SCN3A: variants seen among roughly 807,000 people sequenced by gnomAD.
SCN3A encodes sodium channel protein type 3 subunit alpha.
Under a neutral mutation model 187.6 loss-of-function variants are expected in SCN3A, and 60 were observed. The observed-to-expected ratio is 0.32, with a 90% CI of 0.26 to 0.40. The LOEUF (loss-of-function observed/expected upper bound fraction) is 0.40. Among genes scored for constraint, SCN3A ranks in the 10% least tolerant of loss-of-function variants. The pLI is 1.00. For missense variants in SCN3A, 1,601 were observed against 2,428.2 expected (o/e 0.66, Z 7.16); for synonymous variants, 788 against 829.2 (o/e 0.95, Z 0.85).
intron 1 of SCN3A, among the ~76,000 whole-genome samples, chr2:165,194,233 G>A (rs532455870): frequency 1.3e-5 from 2 of 152,174 alleles, no homozygotes; most frequent in East Asian, 1.9e-4. Context: ...CAGATGTTTC[G>A]TGTTTATGTG....
chr2:165,188,553 G>A (rs1436240864), intron 1 of SCN3A, among the ~76,000 whole-genome samples: 1 of 152,150 alleles, frequency 6.6e-6, no homozygotes, highest in Non-Finnish European at 1.5e-5. Flanking sequence ...ACTTTGGGAG[G>A]CCGAGGCGGG....
At chr2:165,145,242 G>C (rs553883560) in intron 12 of SCN3A, among the ~76,000 whole-genome samples, 56 of 152,064 alleles carry the variant, frequency 3.7e-4, no homozygotes, top group Admixed American at 3.7e-3. Flanking sequence ...TTATGCTATA[G>C]TTTCATATAC....
At chr2:165,152,223 G>C (rs1688726080) in intron 11 of SCN3A, among the ~76,000 whole-genome samples, 1 of 152,120 alleles carries the variant, frequency 6.6e-6, no homozygotes, top group Non-Finnish European at 1.5e-5. Context: ...AACTGACCAA[G>C]AAGTGACACA....
chr2:165,163,818 A>C (rs1314508837), intron 6 of SCN3A, 109 bp from the exon 7 acceptor site: 1 of 1,613,928 alleles, frequency 6.2e-7, no homozygotes, highest in Admixed American at 1.7e-5. Flanking sequence ...TTACAGAAAT[A>C]GTTTTCAGAG....
chr2:165,167,798 A>G (rs1418609415), intron 5 of SCN3A, among the ~76,000 whole-genome samples: 1 of 152,122 alleles, frequency 6.6e-6, no homozygotes, highest in Non-Finnish European at 1.5e-5. Context: ...AATCCCTTGC[A>G]ATAATAATAA....
intron 12 of SCN3A, among the ~76,000 whole-genome samples, chr2:165,142,827 T>C (rs1688092614): frequency 6.6e-6 from 1 of 151,996 alleles, no homozygotes; most frequent in Non-Finnish European, 1.5e-5. Context: ...CTCGGCTCAC[T>C]GCAATCTCCA....
chr2:165,118,344 A>G (rs1248891294), intron 18 of SCN3A, among the ~76,000 whole-genome samples: 1 of 152,216 alleles, frequency 6.6e-6, no homozygotes, highest in Non-Finnish European at 1.5e-5. Flanking sequence ...TACAGTTATT[A>G]CAGAGATTTT....
At chr2:165,094,295 G>T in intron 26 of SCN3A, 79 bp downstream of exon 26, 1 of 1,010,486 alleles carries the variant, frequency 9.9e-7, no homozygotes, top group Non-Finnish European at 1.6e-6. Context: ...CACCTAATAT[G>T]TTCTGCTCCA....
chr2:165,183,060 T>C (rs1218104740), intron 2 of SCN3A, among the ~76,000 whole-genome samples: 1 of 150,236 alleles, frequency 6.7e-6, no homozygotes, highest in Non-Finnish European at 1.5e-5. Context: ...GGAAAAAAAG[T>C]GAAAGGATGA....
Position 165,127,770 on chromosome 2 carries a change from A to G in SCN3A, c.3254T>C (p.Ile1085Thr). ...GAATGACATATAATCATTTTCATCG[A>G]TTACGTATTTTTCAACACTGCTTCC... ...GTGSSVEKYV[I>T]DENDYMSFIN... Residue 1085 changes from isoleucine to threonine, a missense_variant, in exon 18 of 28, where the codon ATC (isoleucine) becomes ACC (threonine). This residue lies in a region of SCN3A where 267 missense variants were observed against 313.2 expected (regional missense o/e 0.85). Transcript: ENST00000283254. The G allele has an allele frequency of 6.2e-7, 1 of 1,614,112 alleles. No individual in the cohort carries two copies. The highest frequency in any genetic ancestry group is 8.5e-7 in the Non-Finnish European group (1 of 1,180,020).
At chr2:165,157,514 A>C (rs1028415558) in intron 9 of SCN3A, among the ~76,000 whole-genome samples, 1 of 152,030 alleles carries the variant, frequency 6.6e-6, no homozygotes, top group African/African-American at 2.4e-5. Context: ...CATACTTATC[A>C]CTCACTATGA....
At chr2:165,146,280 C>T (rs966808211) in intron 12 of SCN3A, among the ~76,000 whole-genome samples, 2 of 151,514 alleles carry the variant, frequency 1.3e-5, no homozygotes, top group South Asian at 2.1e-4. Flanking sequence ...AACCCATTCT[C>T]AAAGAAAATA....
chr2:165,141,582 T>A (rs1688016854), intron 12 of SCN3A, among the ~76,000 whole-genome samples: 1 of 152,224 alleles, frequency 6.6e-6, no homozygotes, highest in African/African-American at 2.4e-5. Context: ...TCTGAAACTG[T>A]TTGTCTCTAC....
chr2:165,163,579 A>C, intron 7 of SCN3A, 39 bp downstream of exon 7: 1 of 1,607,480 alleles, frequency 6.2e-7, no homozygotes, highest in Non-Finnish European at 8.5e-7. Flanking sequence ...TTCAAACTCA[A>C]TAATTAAAGT....
At chr2:165,138,290 TA>T in intron 14 of SCN3A, among the ~76,000 whole-genome samples, 173 bp from the exon 15 acceptor site, 1 of 152,190 alleles carries the variant, frequency 6.6e-6, no homozygotes, top group East Asian at 1.9e-4. Context: ...AAATGTTAAT[TA>T]AAATGTCATA....
chr2:165,172,818 C>A (rs538535319), intron 3 of SCN3A, among the ~76,000 whole-genome samples: 1 of 152,226 alleles, frequency 6.6e-6, no homozygotes, highest in African/African-American at 2.4e-5. Context: ...TAAAACAGAG[C>A]AGGCCTTAAG....
chr2:165,110,048 C>G (rs767327299), intron 21 of SCN3A, among the ~76,000 whole-genome samples: 5 of 152,114 alleles, frequency 3.3e-5, no homozygotes, highest in Non-Finnish European at 5.9e-5. Flanking sequence ...TAGACACCCT[C>G]CTGGACACTA....
At chr2:165,177,256 A>T (rs572411413) in intron 2 of SCN3A, among the ~76,000 whole-genome samples, 1 of 152,296 alleles carries the variant, frequency 6.6e-6, no homozygotes, top group East Asian at 1.9e-4. Flanking sequence ...ATAGTGGTTA[A>T]AAGCATGGAC....
chr2:165,188,523 C>G (rs1429990974), intron 1 of SCN3A, among the ~76,000 whole-genome samples: 2 of 152,158 alleles, frequency 1.3e-5, no homozygotes, highest in East Asian at 3.9e-4. Context: ...GGCGCGGTGG[C>G]TCACGCCTGT....
Sources: gnomAD v4.1 joint callset for allele counts (sites outside exome capture counted in the v4.1 genomes callset) on GRCh38, gnomAD v4.1.1 for gene constraint, gnomAD v4.1.1 regional missense constraint, MANE v1.5 for transcripts, NCBI Gene and HGNC (gene_info 2026-07-23, HGNC 2026-07-21) for gene names.